ATXN7: variants seen among roughly 807,000 people sequenced by gnomAD.
ATXN7 encodes ataxin-7.
A neutral mutation model predicts 70.5 loss-of-function variants in ATXN7; 12 were observed. The observed-to-expected ratio is 0.17, with a 90% CI of 0.11 to 0.28. The LOEUF is 0.28. Ranked by LOEUF, ATXN7 falls within the 10% of genes least tolerant of loss-of-function variation. The pLI is 1.00. For missense variants in ATXN7, 1,256 were observed against 1,131.7 expected (o/e 1.11, Z -1.58); for synonymous variants, 498 against 448.7 (o/e 1.11, Z -1.39).
intron 2 of ATXN7, among the ~76,000 whole-genome samples, chr3:63,910,972 T>C (rs1392082469): frequency 6.6e-6 from 1 of 152,044 alleles, no homozygotes; most frequent in Non-Finnish European, 1.5e-5. Context: ...AAACTTCCTG[T>C]GTTTCTGCAA....
Position 63,925,117 on chromosome 3 carries a change from G to T in ATXN7, c.394+11892G>T, listed in dbSNP as rs555107082. ...GAAAAGCATATGGATTCAGTTGCAGGTAGGGATGTAGAATTGTGGAATAAG... is the reference window on the plus strand; with the variant it reads ...GAAAAGCATATGGATTCAGTTGCAGTTAGGGATGTAGAATTGTGGAATAAG... On this transcript the variant is annotated intron_variant, in intron 4 of 12. Transcript: ENST00000674280. Among the ~76,000 whole-genome samples the T allele has an allele frequency of 1.6e-4, 24 of 152,316 alleles. No homozygotes were observed. The South Asian group carries it at 4.8e-3, about 30-fold the overall frequency.
In ATXN7 at chr3:64,003,175, G is replaced by A. The variant is rs1176178797; in HGVS notation, c.*3708G>A. 6.8e-6 allele frequency: 1 copy of A among 146,300 alleles called. No homozygotes were observed. Among genetic ancestry groups the A allele is most frequent in the Non-Finnish European group, 1.5e-5 (1 of 66,920 alleles). 9.1% of individuals were successfully genotyped at this position (146,300 alleles called of 1,614,324 possible). A position where few individuals can be genotyped will look rare whatever the true frequency, so the allele number is the denominator to read the frequency against. ...TTTAAATGAGCACTACATACTGTCA[G>A]TGTGAATGTAGGGCCTTGAAAGCAT... On this transcript the variant is annotated 3_prime_UTR_variant, in exon 13 of 13. Coordinates refer to ENST00000674280, the MANE Select transcript of ATXN7 (RefSeq NM_001377405.1).
At chr3:63,875,305 T>G (rs1350781975) in intron 1 of ATXN7, among the ~76,000 whole-genome samples, 1 of 152,074 alleles carries the variant, frequency 6.6e-6, no homozygotes, top group East Asian at 1.9e-4. Flanking sequence ...TTGCCCATGC[T>G]GGTCTTGAAC....
intron 5 of ATXN7, among the ~76,000 whole-genome samples, chr3:63,960,464 G>A (rs2075109802): frequency 6.6e-6 from 1 of 152,196 alleles, no homozygotes; most frequent in South Asian, 2.1e-4. Flanking sequence ...GTGGAACCAG[G>A]GAGACCAGTT....
At chr3:63,933,337 T>C (rs1392811255) in intron 4 of ATXN7, among the ~76,000 whole-genome samples, 1 of 152,218 alleles carries the variant, frequency 6.6e-6, no homozygotes, top group Non-Finnish European at 1.5e-5. Flanking sequence ...CCTGTGATTT[T>C]AAAATGCAGT....
chr3:63,987,801 C>T (rs920189118), intron 8 of ATXN7, among the ~76,000 whole-genome samples: 9 of 151,946 alleles, frequency 5.9e-5, no homozygotes, highest in Admixed American at 2.0e-4. Context: ...CAGGTGTCAC[C>T]GCTCACATAT....
intron 1 of ATXN7, chr3:63,864,361 G>A (rs1702336424): frequency 6.6e-6 from 1 of 152,172 alleles, no homozygotes; most frequent in Non-Finnish European, 1.5e-5. Context: ...GCCCAGGAGA[G>A]GCGGGACTAG....
In ATXN7 at chr3:63,999,450, C is replaced by G. The variant is rs1325892676; in HGVS notation, c.2662C>G (p.Pro888Ala). The change falls in exon 13 of 13, where the codon CCA becomes GCA. Residue 888 changes from proline to alanine, a missense_variant and splice_region_variant. Pro to Ala is a conservative substitution (Grantham distance 27). Transcript: ENST00000674280. ...TTCCCCACCCCCTCTTTTTTGAAAG[C>G]CAAAGGCACGTCCCTGACAGCTGAA... ...GLMNSSLLHQ[P>A]KARP 1 of 1,613,628 alleles carries G rather than the reference C, an allele frequency of 6.2e-7. No individual in the cohort carries two copies. The highest frequency in any genetic ancestry group is 1.7e-5 in the Admixed American group (1 of 59,966).
chr3:63,863,814 CGG>C, upstream of ATXN7: 1 of 1,234,248 alleles, frequency 8.1e-7, no homozygotes, highest in Non-Finnish European at 1.0e-6. Context: ...GCGGCGGCGG[CGG>C]CGGCGGCGCA....
chr3:63,941,373 A>C (rs1347963242), intron 4 of ATXN7, among the ~76,000 whole-genome samples: 2 of 152,106 alleles, frequency 1.3e-5, no homozygotes, highest in Non-Finnish European at 2.9e-5. Flanking sequence ...TTGTCAGATC[A>C]GCGGTGGCAT....
rs139710480 is a variant in ATXN7 at position 63,983,634 on chromosome 3, T to C, written c.1095+613T>C. Among the ~76,000 whole-genome samples the C allele has an allele frequency of 1.7e-4, 26 of 152,222 alleles. No homozygotes were observed. The East Asian group carries it at 5.0e-3, about 29-fold the overall frequency. On this transcript the variant is annotated intron_variant, in intron 8 of 12. Coordinates refer to ENST00000674280, the MANE Select transcript of ATXN7 (RefSeq NM_001377405.1). Reference sequence around the variant, plus strand: ...CTTTTAAGAGAAAAAAAAAACTAGATAAAATATATTAATAATTTATATACA... The same window carrying C: ...CTTTTAAGAGAAAAAAAAAACTAGACAAAATATATTAATAATTTATATACA...
At chr3:63,913,586 A>G (rs1704146198) in intron 4 of ATXN7, among the ~76,000 whole-genome samples, 1 of 152,172 alleles carries the variant, frequency 6.6e-6, no homozygotes, top group Non-Finnish European at 1.5e-5. Context: ...CTTAGGGGAC[A>G]TTTTCTGTTG....
chr3:63,957,104 T>TG (rs1305093693), intron 5 of ATXN7, among the ~76,000 whole-genome samples: 16 of 152,376 alleles, frequency 1.1e-4, no homozygotes, highest in African/African-American at 3.6e-4. Context: ...GGCTGTATAC[T>TG]GAGAGCTTCC....
intron 1 of ATXN7, among the ~76,000 whole-genome samples, chr3:63,893,595 T>G (rs1195632728): frequency 6.6e-6 from 1 of 152,212 alleles, no homozygotes; most frequent in Admixed American, 6.5e-5. Flanking sequence ...AGACTCCACA[T>G]GAGGCGTTCT....
chr3:63,875,968 CTTG>C (rs1702738513), intron 1 of ATXN7, among the ~76,000 whole-genome samples: 1 of 152,140 alleles, frequency 6.6e-6, no homozygotes, highest in Non-Finnish European at 1.5e-5. Context: ...CTTTTGGAAC[CTTG>C]TTCTGACATT....
rs768650063 is a variant in ATXN7 at position 63,990,868 on chromosome 3, CTG to C, written c.1682+11_1682+12del. 5 of 1,614,096 alleles carry C rather than the reference CTG, an allele frequency of 3.1e-6. No individual in the cohort carries two copies. The highest frequency in any genetic ancestry group is 1.7e-6 in the Non-Finnish European group (2 of 1,180,044). ...AATGCACAGCTATGGAAGTGAGTGC[CTG>C]TTGTTCTTGGGAGAGGAGCTGACTT... On this transcript the variant is annotated intron_variant, in intron 11 of 12. Coordinates refer to ENST00000674280, the MANE Select transcript of ATXN7 (RefSeq NM_001377405.1).
In ATXN7 at chr3:63,983,034, C is replaced by T; in HGVS notation, c.1095+13C>T. 1.2e-6 allele frequency: 2 copies of T among 1,608,798 alleles called. No individual in the cohort carries two copies. The highest frequency in any genetic ancestry group is 1.7e-6 in the Non-Finnish European group (2 of 1,175,284). On this transcript the variant is annotated intron_variant, in intron 8 of 12. Coordinates refer to ENST00000674280, the MANE Select transcript of ATXN7 (RefSeq NM_001377405.1). ...TTTGACATGCAAGGTAGGTGGACTC[C>T]TGAAAGTCAAGTCGACCATCCTGAT...
In ATXN7 at chr3:63,876,212, T is replaced by C. The variant is rs1423725661; in HGVS notation, c.-111+12054T>C. On this transcript the variant is annotated intron_variant, in intron 1 of 12. Coordinates refer to ENST00000674280, the MANE Select transcript of ATXN7 (RefSeq NM_001377405.1). ...TTCTACATTGAAAAATAAGTATTTT[T>C]CATTTCCTTATACTTTTTTCACTGG... Among the ~76,000 whole-genome samples, 7 of 152,298 alleles carry C rather than the reference T, an allele frequency of 4.6e-5. No homozygotes were observed. The East Asian group carries it at 1.3e-3, about 29-fold the overall frequency.
At chr3:63,863,762 G>T (rs922614928), upstream of ATXN7, 3 of 1,250,556 alleles carry the variant, frequency 2.4e-6, no homozygotes, top group Admixed American at 4.2e-5. Flanking sequence ...GGCGGCGAGC[G>T]GGGCCTCACC....
Sources: allele counts gnomAD v4.1 joint callset (sites outside exome capture counted in the v4.1 genomes callset), GRCh38; gene constraint gnomAD v4.1.1; transcripts MANE v1.5; gene names NCBI Gene and HGNC (gene_info 2026-07-23, HGNC 2026-07-21).